The following TIAM1 variants were observed in gnomAD, a reference collection of about 807,000 sequenced individuals.
TIAM1 encodes TIAM Rac1 associated GEF 1.
Under a neutral mutation model 163.5 loss-of-function variants are expected in TIAM1, and 65 were observed. The observed-to-expected ratio is 0.40, with a 90% CI of 0.33 to 0.49. The LOEUF is 0.49. Among genes scored for constraint, TIAM1 ranks in the 20% least tolerant of loss-of-function variants. The pLI, the probability that TIAM1 is intolerant of heterozygous loss-of-function variation, is 0.77. For missense variants in TIAM1, 1,789 were observed against 2,044.7 expected (o/e 0.87, Z 2.41); for synonymous variants, 833 against 810.1 (o/e 1.03, Z -0.48).
At chr21:31,528,840 A>C (rs1021555102) in intron 1 of TIAM1, among the ~76,000 whole-genome samples, 5 of 145,710 alleles carry the variant, frequency 3.4e-5, no homozygotes, top group African/African-American at 1.3e-4. Context: ...AAAAAAAAAA[A>C]CTCTCAAGAT....
At chr21:31,463,976 T>G (rs1485372749) in intron 2 of TIAM1, 2 of 152,202 alleles carry the variant, frequency 1.3e-5, no homozygotes, top group Non-Finnish European at 2.9e-5. Flanking sequence ...AAGTGTAAAC[T>G]GCTCACCATA....
intron 8 of TIAM1, among the ~76,000 whole-genome samples, chr21:31,221,443 C>T (rs2087554577): frequency 6.6e-6 from 1 of 152,186 alleles, no homozygotes; most frequent in Non-Finnish European, 1.5e-5. Flanking sequence ...CCATCCCCAT[C>T]TTCAGCTGGC....
chr21:31,251,205 C>T (rs887382406), intron 5 of TIAM1, among the ~76,000 whole-genome samples: 1 of 152,118 alleles, frequency 6.6e-6, no homozygotes, highest in Middle Eastern at 3.2e-3. Flanking sequence ...AAACCAGTTG[C>T]ATACATGCCA....
intron 2 of TIAM1, among the ~76,000 whole-genome samples, chr21:31,388,175 G>A (rs1475309746): frequency 6.8e-6 from 1 of 146,720 alleles, no homozygotes; most frequent in Non-Finnish European, 1.5e-5. Flanking sequence ...AAATTACCCA[G>A]TCTTAGGTAT....
intron 5 of TIAM1, 84 bp downstream of exon 5, chr21:31,251,658 A>G: frequency 7.2e-7 from 1 of 1,392,004 alleles, no homozygotes. Context: ...AACAACAACA[A>G]ACCCACCCAT....
chr21:31,383,813 T>G (rs2076821049), intron 2 of TIAM1, among the ~76,000 whole-genome samples: 1 of 152,182 alleles, frequency 6.6e-6, no homozygotes, highest in Admixed American at 6.5e-5. Flanking sequence ...GGCACTCGAT[T>G]TCTTTAAGAC....
intron 2 of TIAM1, among the ~76,000 whole-genome samples, chr21:31,295,763 C>A (rs1267645066): frequency 6.6e-6 from 1 of 152,064 alleles, no homozygotes; most frequent in Non-Finnish European, 1.5e-5. Context: ...ATACACGTAC[C>A]TTTTGAGAAT....
chr21:31,248,022 A>C (rs530544691), intron 5 of TIAM1, among the ~76,000 whole-genome samples: 16 of 152,292 alleles, frequency 1.1e-4, no homozygotes, highest in African/African-American at 3.6e-4. Flanking sequence ...TGCTATTGGC[A>C]TCTAGAGGAC....
At chr21:31,308,893 G>A (rs971996080) in intron 2 of TIAM1, among the ~76,000 whole-genome samples, 4 of 152,166 alleles carry the variant, frequency 2.6e-5, no homozygotes, top group African/African-American at 9.7e-5. Flanking sequence ...ACAGCCTACA[G>A]CAAACTAAAG....
chr21:31,305,878 T>C (rs1390833180), intron 2 of TIAM1, among the ~76,000 whole-genome samples: 1 of 152,152 alleles, frequency 6.6e-6, no homozygotes, highest in Non-Finnish European at 1.5e-5. Context: ...ACGTGGTGAC[T>C]GGAGCCAGAA....
intron 1 of TIAM1, among the ~76,000 whole-genome samples, chr21:31,554,747 A>C (rs746576549): frequency 2.0e-5 from 3 of 152,124 alleles, no homozygotes; most frequent in African/African-American, 7.2e-5. Context: ...CAGTGAGCTG[A>C]GACCCCACTC....
upstream of TIAM1, among the ~76,000 whole-genome samples, chr21:31,348,131 G>A (rs1471478451): frequency 1.3e-5 from 2 of 152,034 alleles, no homozygotes; most frequent in African/African-American, 4.8e-5. Context: ...TACAATAGCT[G>A]GGCTTTAAAA....
intron 1 of TIAM1, among the ~76,000 whole-genome samples, chr21:31,530,456 T>C (rs1014838388): frequency 1.3e-5 from 2 of 152,248 alleles, no homozygotes; most frequent in African/African-American, 4.8e-5. Flanking sequence ...TCTGTCTCCC[T>C]TCACAACAGT....
intron 2 of TIAM1, among the ~76,000 whole-genome samples, chr21:31,285,893 A>G (rs1049123440): frequency 3.3e-5 from 5 of 152,202 alleles, no homozygotes; most frequent in African/African-American, 1.2e-4. Context: ...CAATTAATTA[A>G]AATAAAAGAG....
At chr21:31,185,692 A>G (rs1027195678) in intron 14 of TIAM1, among the ~76,000 whole-genome samples, 1 of 148,790 alleles carries the variant, frequency 6.7e-6, no homozygotes, top group Non-Finnish European at 1.5e-5. Flanking sequence ...TATAATAATT[A>G]CACATAATTA....
chr21:31,536,923 C>T (rs16988341), intron 1 of TIAM1, among the ~76,000 whole-genome samples: 8,751 of 152,278 alleles, frequency 0.057, 465 homozygotes, highest in Admixed American at 0.15. Flanking sequence ...ATGACAGAGA[C>T]GTTGATTGTC....
chr21:31,460,456 A>G (rs2300369), intron 2 of TIAM1, among the ~76,000 whole-genome samples: 18,398 of 151,994 alleles, frequency 0.12, 1,179 homozygotes, highest in Admixed American at 0.14. Context: ...GTGAAACCCC[A>G]TCTCTACTAA....
chr21:31,543,066 T>G lies in TIAM1; in HGVS notation c.-422+15861A>C, dbSNP rs185568391. ...GCGATGTTTTTCTTGGTTTTCTGGTTTCTGTTTATCTGCTGGTTCCAAACT... is the reference window on the plus strand; with the variant it reads ...GCGATGTTTTTCTTGGTTTTCTGGTGTCTGTTTATCTGCTGGTTCCAAACT... On this transcript the variant is annotated intron_variant, in intron 1 of 28. Coordinates refer to the TIAM1 transcript ENST00000286827. Among the ~76,000 whole-genome samples, 53 of 152,290 alleles carry G rather than the reference T, an allele frequency of 3.5e-4. No individual in the cohort carries two copies. The Middle Eastern group carries it at 0.01, about 29-fold the overall frequency.
chr21:31,149,826 C>T (rs997057346), intron 19 of TIAM1, among the ~76,000 whole-genome samples: 1 of 152,166 alleles, frequency 6.6e-6, no homozygotes, highest in Non-Finnish European at 1.5e-5. Flanking sequence ...GGTATCACTA[C>T]AATGAACCTA....
Sources: allele counts gnomAD v4.1 joint callset (sites outside exome capture counted in the v4.1 genomes callset), GRCh38; gene constraint gnomAD v4.1.1; transcripts MANE v1.5; gene names NCBI Gene and HGNC (gene_info 2026-07-23, HGNC 2026-07-21).